FBXW7: variants seen among roughly 807,000 people sequenced by gnomAD.
FBXW7 encodes F-box and WD repeat domain containing 7.
FBXW7 carries 11 observed loss-of-function variants against 86.3 expected under a neutral mutation model. The observed-to-expected ratio is 0.13, with a 90% CI of 0.08 to 0.21. The LOEUF is 0.21. Among genes scored for constraint, FBXW7 ranks in the 10% least tolerant of loss-of-function variants. FBXW7 has a pLI of 1.00. For synonymous variants in FBXW7, 313 were observed against 297.9 expected, an observed-to-expected ratio of 1.05 and a Z score of -0.52; for missense variants, 488 against 847.4, an observed-to-expected ratio of 0.58 and a Z score of 5.27.
intron 4 of FBXW7, among the ~76,000 whole-genome samples, chr4:152,354,640 T>C (rs921719014): frequency 6.6e-6 from 1 of 152,088 alleles, no homozygotes; most frequent in Non-Finnish European, 1.5e-5. Context: ...TTTAATGAAG[T>C]AGGGGATACT....
At chr4:152,473,306 A>G (rs1436711821) in intron 2 of FBXW7, among the ~76,000 whole-genome samples, 1 of 152,206 alleles carries the variant, frequency 6.6e-6, no homozygotes. Context: ...TAAATTTACA[A>G]ATATGTAATT....
intron 2 of FBXW7, among the ~76,000 whole-genome samples, chr4:152,520,439 CAAA>C (rs58890384): frequency 8.3e-5 from 5 of 60,484 alleles, no homozygotes; most frequent in Admixed American, 1.9e-4. Flanking sequence ...GACTCCGTCT[CAAA>C]AAAAAAAAAA....
intron 8 of FBXW7, among the ~76,000 whole-genome samples, chr4:152,332,298 T>C (rs1396875040): frequency 6.6e-6 from 1 of 152,172 alleles, no homozygotes; most frequent in Non-Finnish European, 1.5e-5. Context: ...TAATACTAAA[T>C]ATTTGGATAT....
chr4:152,437,420 G>A (rs747707801), intron 2 of FBXW7, among the ~76,000 whole-genome samples: 5 of 151,228 alleles, frequency 3.3e-5, no homozygotes, highest in East Asian at 1.9e-4. Context: ...CTGCAGGCGC[G>A]TAGAAATAGC....
At chr4:152,418,046 G>GT (rs1394803441) in intron 2 of FBXW7, among the ~76,000 whole-genome samples, 2 of 151,754 alleles carry the variant, frequency 1.3e-5, no homozygotes, top group Non-Finnish European at 2.9e-5. Context: ...GGGGCAAAAT[G>GT]TTTTAACATC....
intron 4 of FBXW7, among the ~76,000 whole-genome samples, chr4:152,361,727 G>A (rs900329609): frequency 1.3e-5 from 2 of 152,092 alleles, no homozygotes; most frequent in African/African-American, 4.8e-5. Flanking sequence ...TGTAATCCCA[G>A]CATTTTGGGA....
chr4:152,440,646 T>C (rs1199828081), intron 2 of FBXW7, among the ~76,000 whole-genome samples: 1 of 152,294 alleles, frequency 6.6e-6, no homozygotes, highest in East Asian at 1.9e-4. Flanking sequence ...ACTAAAGTTA[T>C]AAATACCAGT....
At chr4:152,478,264 T>C (rs937506058) in intron 2 of FBXW7, among the ~76,000 whole-genome samples, 4 of 152,108 alleles carry the variant, frequency 2.6e-5, no homozygotes, top group Non-Finnish European at 5.9e-5. Flanking sequence ...GTAACTTCTA[T>C]TATACTTGCC....
At chr4:152,373,360 C>A (rs1334256336) in intron 4 of FBXW7, among the ~76,000 whole-genome samples, 1 of 151,980 alleles carries the variant, frequency 6.6e-6, no homozygotes, top group African/African-American at 2.4e-5. Context: ...ATTTTACTGT[C>A]ATCAAAATAT....
At chr4:152,435,096 G>A (rs568174630) in intron 2 of FBXW7, among the ~76,000 whole-genome samples, 2,145 of 146,308 alleles carry the variant, frequency 0.015, 42 homozygotes, top group Non-Finnish European at 0.018. Context: ...GGGGAGGGGA[G>A]GGGAGGGGTT....
At chr4:152,532,797 G>GT (rs758757794) in intron 2 of FBXW7, among the ~76,000 whole-genome samples, 2 of 152,152 alleles carry the variant, frequency 1.3e-5, no homozygotes, top group Non-Finnish European at 2.9e-5. Flanking sequence ...TGCAATTTGT[G>GT]TTTGATTGTC....
At chr4:152,348,805 A>C in intron 5 of FBXW7, 4 of 534,672 alleles carry the variant, frequency 7.5e-6, no homozygotes, top group South Asian at 6.4e-5. Flanking sequence ...GAAAAGCAAA[A>C]TGAAGTGAAT....
chr4:152,489,126 A>G (rs1283275703), intron 2 of FBXW7, among the ~76,000 whole-genome samples: 3 of 152,096 alleles, frequency 2.0e-5, no homozygotes, highest in Non-Finnish European at 2.9e-5. Context: ...TGCATCAAAC[A>G]CCAAGGTAAA....
chr4:152,438,358 T>C (rs1740577479), intron 2 of FBXW7, among the ~76,000 whole-genome samples: 1 of 151,942 alleles, frequency 6.6e-6, no homozygotes. Flanking sequence ...TAGAACCAAA[T>C]CCATGGTATC....
chr4:152,333,856 T>A (rs996535454), intron 7 of FBXW7, among the ~76,000 whole-genome samples: 14 of 151,834 alleles, frequency 9.2e-5, no homozygotes, highest in Non-Finnish European at 4.4e-5. Flanking sequence ...GAGTTCGACA[T>A]CAGCTTGGTC....
At chr4:152,515,805 T>C (rs1454874578) in intron 2 of FBXW7, among the ~76,000 whole-genome samples, 1 of 151,930 alleles carries the variant, frequency 6.6e-6, no homozygotes, top group Non-Finnish European at 1.5e-5. Context: ...TGTTGTATCA[T>C]GTTTTAATTC....
intron 4 of FBXW7, among the ~76,000 whole-genome samples, chr4:152,352,238 T>C (rs1731887849): frequency 6.6e-6 from 1 of 152,208 alleles, no homozygotes; most frequent in African/African-American, 2.4e-5. Flanking sequence ...AATGTATTTT[T>C]AGTGAAAAAT....
chr4:152,462,140 G>A (rs534418252), intron 2 of FBXW7, among the ~76,000 whole-genome samples: 52 of 152,302 alleles, frequency 3.4e-4, no homozygotes, highest in African/African-American at 1.2e-3. Context: ...CACCTGGGTA[G>A]TCTGGTGGTC....
At chr4:152,515,246 T>G (rs549952954) in intron 2 of FBXW7, among the ~76,000 whole-genome samples, 3 of 152,294 alleles carry the variant, frequency 2.0e-5, no homozygotes, top group Non-Finnish European at 2.9e-5. Flanking sequence ...CATCTCCTCT[T>G]TTTTCCTCAC....
Sources: allele counts gnomAD v4.1 joint callset (sites outside exome capture counted in the v4.1 genomes callset), GRCh38; gene constraint gnomAD v4.1.1; transcripts MANE v1.5; gene names NCBI Gene and HGNC (gene_info 2026-07-23, HGNC 2026-07-21).